Variants in PRKCA observed in about 807,000 individuals in gnomAD.
PRKCA encodes protein kinase C alpha type.
In PRKCA, 27 loss-of-function variants were observed where a neutral mutation model predicts 87.0. That is an observed-to-expected ratio of 0.31 (90% CI 0.23 to 0.43). The LOEUF is 0.43. Among genes scored for constraint, PRKCA ranks in the 20% least tolerant of loss-of-function variants. The pLI, the probability that PRKCA is intolerant of heterozygous loss-of-function variation, is 1.00. For missense variants in PRKCA, 518 were observed against 852.3 expected (o/e 0.61, Z 4.88); for synonymous variants, 329 against 311.1 (o/e 1.06, Z -0.61).
intron 3 of PRKCA, among the ~76,000 whole-genome samples, chr17:66,609,780 A>T (rs1970299490): frequency 6.6e-6 from 1 of 151,398 alleles, no homozygotes; most frequent in African/African-American, 2.5e-5. Context: ...GGTTTTGGCA[A>T]GGCTTTATTT....
At chr17:66,705,712 C>T (rs1456353134) in intron 8 of PRKCA, among the ~76,000 whole-genome samples, 1 of 152,082 alleles carries the variant, frequency 6.6e-6, no homozygotes, top group Non-Finnish European at 1.5e-5. Flanking sequence ...ACCAAGGGTG[C>T]CACCCTTCAT....
chr17:66,653,041 G>A (rs1047552363), intron 5 of PRKCA, among the ~76,000 whole-genome samples: 2 of 152,170 alleles, frequency 1.3e-5, no homozygotes, highest in African/African-American at 4.8e-5. Context: ...TTAAACAGGT[G>A]AGTCACTGAC....
chr17:66,727,818 C>G (rs1356206345), intron 8 of PRKCA, among the ~76,000 whole-genome samples: 4 of 152,146 alleles, frequency 2.6e-5, no homozygotes, highest in African/African-American at 9.7e-5. Context: ...GGCCAAAGGT[C>G]TGGAGGTCAA....
chr17:66,607,723 TAG>T (rs1051475266), intron 3 of PRKCA, among the ~76,000 whole-genome samples: 5 of 152,198 alleles, frequency 3.3e-5, no homozygotes, highest in Admixed American at 3.3e-4. Flanking sequence ...CGGTATTTGG[TAG>T]AGTGTGGGGG....
chr17:66,585,439 T>C (rs934785988), intron 3 of PRKCA, among the ~76,000 whole-genome samples: 5 of 152,244 alleles, frequency 3.3e-5, no homozygotes, highest in African/African-American at 1.2e-4. Flanking sequence ...GGCTGCTTTT[T>C]GTTAAAACAG....
intron 2 of PRKCA, among the ~76,000 whole-genome samples, chr17:66,418,201 T>G (rs1912270258): frequency 6.6e-6 from 1 of 152,196 alleles, no homozygotes; most frequent in Non-Finnish European, 1.5e-5. Context: ...TAAGCAGATC[T>G]AAAAGCTATG....
rs368159799 is a variant in PRKCA at position 66,760,438 on chromosome 17, T to G, written c.1525-13549T>G. 3.3e-4 allele frequency among the ~76,000 whole-genome samples: 51 copies of G among 152,308 alleles called. No individual in the cohort carries two copies. The South Asian group carries it at 0.01, about 31-fold the overall frequency. ...GGAAACTTATAGTATTGAATTCATATATTAGAAAAGAAGAAAGATCTAAAA... is the reference window on the plus strand; with the variant it reads ...GGAAACTTATAGTATTGAATTCATAGATTAGAAAAGAAGAAAGATCTAAAA... On this transcript the variant is annotated intron_variant, in intron 13 of 16. Coordinates refer to ENST00000413366, the MANE Select transcript of PRKCA (RefSeq NM_002737.3).
At chr17:66,309,286 T>C (rs1904975978) in intron 2 of PRKCA, among the ~76,000 whole-genome samples, 1 of 152,206 alleles carries the variant, frequency 6.6e-6, no homozygotes, top group Admixed American at 6.5e-5. Context: ...TCCTTAAAAC[T>C]GGGTTTGTAA....
intron 3 of PRKCA, among the ~76,000 whole-genome samples, chr17:66,624,867 A>G (rs536435440): frequency 6.6e-6 from 1 of 152,242 alleles, no homozygotes; most frequent in African/African-American, 2.4e-5. Flanking sequence ...GAAAAAAATT[A>G]TAAATGAATT....
At chr17:66,694,668 A>G (rs763693834) in intron 8 of PRKCA, among the ~76,000 whole-genome samples, 3 of 150,672 alleles carry the variant, frequency 2.0e-5, no homozygotes, top group Non-Finnish European at 3.0e-5. Flanking sequence ...TTGTTGGTGT[A>G]ATATTGCCCT....
At chr17:66,800,438 A>G (rs1167334833) in intron 16 of PRKCA, among the ~76,000 whole-genome samples, 2 of 152,176 alleles carry the variant, frequency 1.3e-5, no homozygotes, top group Non-Finnish European at 2.9e-5. Flanking sequence ...ATTTTATCAC[A>G]GTACTTAGCT....
At position 66,548,346 on chromosome 17, in the gene PRKCA, A is replaced by G. The variant is rs376574368; in HGVS notation, c.288+52063A>G. Among the ~76,000 whole-genome samples, 9 of 152,282 alleles carry G rather than the reference A, an allele frequency of 5.9e-5. No homozygotes were observed. In the East Asian group the frequency reaches 7.7e-4, roughly 13 times the overall value. On this transcript the variant is annotated intron_variant, in intron 3 of 16. Coordinates refer to ENST00000413366, the MANE Select transcript of PRKCA (RefSeq NM_002737.3). ...TCCTTTTGGCAGGAAGGAGAGGGGC[A>G]GAAAGTCATCTCCTGCCGCCTCCCT...
chr17:66,674,168 C>T (rs775366335), intron 5 of PRKCA, among the ~76,000 whole-genome samples: 4 of 152,152 alleles, frequency 2.6e-5, no homozygotes, highest in Non-Finnish European at 5.9e-5. Flanking sequence ...GGGGTGTGGC[C>T]CTTGCCCTCA....
chr17:66,538,278 C>T (rs532332203), intron 3 of PRKCA, among the ~76,000 whole-genome samples: 1 of 152,258 alleles, frequency 6.6e-6, no homozygotes, highest in South Asian at 2.1e-4. Flanking sequence ...CCTTAGTTTC[C>T]TCTTCTGCAA....
chr17:66,544,755 G>A (rs1968094428), intron 3 of PRKCA, among the ~76,000 whole-genome samples: 1 of 151,866 alleles, frequency 6.6e-6, no homozygotes, highest in African/African-American at 2.4e-5. Context: ...ACCATGCCCA[G>A]CTAATTTTTG....
chr17:66,349,572 C>T (rs1317940108), intron 2 of PRKCA, among the ~76,000 whole-genome samples: 1 of 152,148 alleles, frequency 6.6e-6, no homozygotes, highest in Non-Finnish European at 1.5e-5. Flanking sequence ...AATAAGTCAT[C>T]CCTTTTGAAC....
At chr17:66,552,692 A>G (rs1968376582) in intron 3 of PRKCA, among the ~76,000 whole-genome samples, 1 of 152,084 alleles carries the variant, frequency 6.6e-6, no homozygotes, top group South Asian at 2.1e-4. Flanking sequence ...GGTCTTTTAT[A>G]CTCTAATCAC....
intron 2 of PRKCA, among the ~76,000 whole-genome samples, chr17:66,465,118 A>G (rs1915028166): frequency 6.6e-6 from 1 of 152,216 alleles, no homozygotes; most frequent in Admixed American, 6.5e-5. Flanking sequence ...ATGAATGACT[A>G]GGAAACTCTT....
chr17:66,653,145 T>TAA (rs1185339434), intron 5 of PRKCA, among the ~76,000 whole-genome samples: 2 of 152,198 alleles, frequency 1.3e-5, no homozygotes, highest in Non-Finnish European at 2.9e-5. Flanking sequence ...ACTGTACACT[T>TAA]ACATGGATGG....
Sources: allele counts gnomAD v4.1 joint callset (sites outside exome capture counted in the v4.1 genomes callset), GRCh38; gene constraint gnomAD v4.1.1; transcripts MANE v1.5; gene names NCBI Gene and HGNC (gene_info 2026-07-23, HGNC 2026-07-21).